USP37: variants seen among roughly 807,000 people sequenced by gnomAD.
USP37 encodes the protein ubiquitin carboxyl-terminal hydrolase 37.
USP37 carries 27 observed loss-of-function variants against 124.0 expected under a neutral mutation model. The observed-to-expected ratio is 0.22, with a 90% CI of 0.16 to 0.30. The LOEUF (loss-of-function observed/expected upper bound fraction) is 0.30. USP37 is among the 10% of genes least tolerant of loss of function. USP37 has a pLI of 1.00. For synonymous variants in USP37, 365 were observed against 388.0 expected (o/e 0.94, Z 0.70); for missense variants, 889 against 1,140.4 (o/e 0.78, Z 3.17).
intron 15 of USP37, chr2:218,486,190 G>A (rs942432948): frequency 6.5e-6 from 1 of 153,288 alleles, no homozygotes; most frequent in Non-Finnish European, 1.5e-5. Context: ...CAATCTTCTC[G>A]TGACAGCCCA....
intron 10 of USP37, among the ~76,000 whole-genome samples, chr2:218,524,886 A>G (rs1256808793): frequency 1.3e-5 from 2 of 152,220 alleles, no homozygotes; most frequent in Non-Finnish European, 2.9e-5. Flanking sequence ...CTGGGGTTAC[A>G]GGCGTGAGCC....
At chr2:218,554,771 A>G (rs1049541669) in intron 4 of USP37, among the ~76,000 whole-genome samples, 1 of 151,786 alleles carries the variant, frequency 6.6e-6, no homozygotes, top group Non-Finnish European at 1.5e-5. Flanking sequence ...AAATTGGAGT[A>G]GAATCTTTGT....
intron 14 of USP37, among the ~76,000 whole-genome samples, chr2:218,494,663 A>G (rs1488258568): frequency 6.6e-6 from 1 of 152,218 alleles, no homozygotes; most frequent in Non-Finnish European, 1.5e-5. Flanking sequence ...CATAGAAATA[A>G]TTCTCTCTTA....
At chr2:218,484,166 C>CA (rs1251895180) in intron 16 of USP37, among the ~76,000 whole-genome samples, 1 of 151,876 alleles carries the variant, frequency 6.6e-6, no homozygotes, top group African/African-American at 2.4e-5. Context: ...TTGAAAAAAA[C>CA]AAAAAACACA....
chr2:218,544,426 T>TAGAGAGAGAGAGAGAG (rs1434695494), intron 8 of USP37, among the ~76,000 whole-genome samples: 6 of 47,732 alleles, frequency 1.3e-4, no homozygotes, highest in African/African-American at 3.7e-4. Flanking sequence ...TATATATATA[T>TAGAGAGAGAGAGAGAG]ATATAGAGAG....
rs552982436 is a variant in USP37 at position 218,492,017 on chromosome 2, T to A, written c.1473-3596A>T. ...AAGTGTCAGACCAGCCTAGGCAACATTGGAAAACCCAATCTCTACAAAAAA... is the reference window on the plus strand; with the variant it reads ...AAGTGTCAGACCAGCCTAGGCAACAATGGAAAACCCAATCTCTACAAAAAA... On this transcript the variant is annotated intron_variant, in intron 14 of 25. Transcript: ENST00000258399. Among the ~76,000 whole-genome samples, 8 of 152,082 alleles carry A rather than the reference T, an allele frequency of 5.3e-5. No individual in the cohort carries two copies. The South Asian group carries it at 1.5e-3, about 28-fold the overall frequency.
At chr2:218,547,208 ATGCC>A in intron 6 of USP37, 117 bp from the exon 7 acceptor site, 1 of 1,083,622 alleles carries the variant, frequency 9.2e-7, no homozygotes, top group Non-Finnish European at 1.3e-6. Flanking sequence ...GCGATGGCTC[ATGCC>A]TGTAATCCCA....
chr2:218,564,827 G>C (rs975151716), intron 1 of USP37, among the ~76,000 whole-genome samples: 1 of 152,092 alleles, frequency 6.6e-6, no homozygotes, highest in African/African-American at 2.4e-5. Flanking sequence ...AAATCCAAAT[G>C]CTTGTGTTTG....
At chr2:218,551,382 T>C (rs1255496842) in intron 5 of USP37, among the ~76,000 whole-genome samples, 1 of 152,248 alleles carries the variant, frequency 6.6e-6, no homozygotes, top group Non-Finnish European at 1.5e-5. Flanking sequence ...GCCAATGACT[T>C]ACTGAGTGCC....
chr2:218,484,019 C>T (rs1373648827), intron 16 of USP37, among the ~76,000 whole-genome samples: 8 of 151,864 alleles, frequency 5.3e-5, no homozygotes, highest in African/African-American at 1.2e-4. Flanking sequence ...ATTAGCCAGG[C>T]GTGGTGGCGC....
intron 21 of USP37, 144 bp from the exon 22 acceptor site, chr2:218,463,510 G>C: frequency 1.7e-6 from 1 of 574,524 alleles, no homozygotes; most frequent in East Asian, 3.1e-5. Context: ...ACCTTTTGAG[G>C]AATGTGGGGA....
At chr2:218,568,070 G>GC (rs1693752921) in intron 1 of USP37, 108 bp downstream of exon 1, 1 of 152,654 alleles carries the variant, frequency 6.6e-6, no homozygotes, top group Middle Eastern at 3.4e-3. Flanking sequence ...GGGCTGAGTA[G>GC]CAGCAGGGCG....
intron 8 of USP37, among the ~76,000 whole-genome samples, chr2:218,540,491 T>C (rs941530234): frequency 6.6e-6 from 1 of 151,916 alleles, no homozygotes; most frequent in Non-Finnish European, 1.5e-5. Context: ...AAAATAAAAA[T>C]AGCCAAGACT....
intron 10 of USP37, among the ~76,000 whole-genome samples, chr2:218,513,060 T>C (rs916470210): frequency 6.6e-6 from 1 of 152,090 alleles, no homozygotes; most frequent in Non-Finnish European, 1.5e-5. Flanking sequence ...AACTATTTAT[T>C]TCATTGTCTC....
intron 20 of USP37, among the ~76,000 whole-genome samples, chr2:218,466,557 A>C (rs1197456681): frequency 6.6e-6 from 1 of 152,106 alleles, no homozygotes; most frequent in Admixed American, 6.6e-5. Flanking sequence ...CAAATGATCT[A>C]CAGTGATGGT....
chr2:218,539,008 C>T (rs1249829138), intron 8 of USP37, among the ~76,000 whole-genome samples: 2 of 152,162 alleles, frequency 1.3e-5, no homozygotes, highest in African/African-American at 4.8e-5. Context: ...TGCTCTGCTG[C>T]CCAGGCTGGA....
chr2:218,492,246 G>A (rs929800144), intron 14 of USP37, among the ~76,000 whole-genome samples: 11 of 152,112 alleles, frequency 7.2e-5, no homozygotes, highest in Middle Eastern at 3.4e-3. Context: ...AGAGAATTTT[G>A]GGAAAGAGAA....
At chr2:218,498,297 G>T in intron 11 of USP37, 140 bp from the exon 12 acceptor site, 1 of 817,346 alleles carries the variant, frequency 1.2e-6, no homozygotes, top group Non-Finnish European at 1.7e-6. Flanking sequence ...CTAACCCCAA[G>T]GTTTCTGATT....
intron 7 of USP37, among the ~76,000 whole-genome samples, chr2:218,546,655 A>G: frequency 6.6e-6 from 1 of 152,250 alleles, no homozygotes; most frequent in African/African-American, 2.4e-5. Flanking sequence ...TCCTGACCTC[A>G]TGATCCGCCC....
Sources: gnomAD v4.1 joint callset for allele counts (sites outside exome capture counted in the v4.1 genomes callset) on GRCh38, gnomAD v4.1.1 for gene constraint, MANE v1.5 for transcripts, NCBI Gene and HGNC (gene_info 2026-07-23, HGNC 2026-07-21) for gene names.